Variants in MAP3K3 observed in about 807,000 individuals in gnomAD.
MAP3K3 encodes the protein MAP/ERK kinase kinase 3.
Under a neutral mutation model 80.9 loss-of-function variants are expected in MAP3K3, and 12 were observed. The observed-to-expected ratio is 0.15, with a 90% CI of 0.10 to 0.24. The LOEUF is 0.24. Ranked by LOEUF, MAP3K3 falls within the 10% of genes least tolerant of loss-of-function variation. MAP3K3 has a pLI of 1.00. For missense variants in MAP3K3, 596 were observed against 834.7 expected, an observed-to-expected ratio of 0.71 and a Z score of 3.52; for synonymous variants, 272 against 307.1, an observed-to-expected ratio of 0.89 and a Z score of 1.19.
intron 2 of MAP3K3, among the ~76,000 whole-genome samples, chr17:63,633,136 G>T (rs2034251735): frequency 6.6e-6 from 1 of 151,946 alleles, no homozygotes; most frequent in Non-Finnish European, 1.5e-5. Context: ...GCTGAGACAG[G>T]AGAATCGCTT....
intron 1 of MAP3K3, among the ~76,000 whole-genome samples, chr17:63,626,125 A>G (rs957789613): frequency 2.0e-5 from 3 of 152,184 alleles, no homozygotes; most frequent in African/African-American, 7.2e-5. Flanking sequence ...ATCTGTAAAA[A>G]GTAAGTATCT....
At chr17:63,677,507 T>C (rs2035243165) in intron 6 of MAP3K3, among the ~76,000 whole-genome samples, 1 of 152,232 alleles carries the variant, frequency 6.6e-6, no homozygotes, top group South Asian at 2.1e-4. Context: ...AATTTTGTGT[T>C]ACAGTAGCAA....
chr17:63,657,689 C>T (rs1598088544), intron 4 of MAP3K3, 105 bp from the exon 5 acceptor site: 8 of 533,064 alleles, frequency 1.5e-5, no homozygotes, highest in African/African-American at 3.8e-5. Context: ...GATTGTTTTC[C>T]TCCAAATGTA....
chr17:63,672,999 C>T (rs1339816055), intron 6 of MAP3K3: 1 of 152,224 alleles, frequency 6.6e-6, no homozygotes, highest in Non-Finnish European at 1.5e-5. Flanking sequence ...GCAATTCAGC[C>T]TTCCACTGGG....
At chr17:63,650,105 G>A (rs903980890) in intron 3 of MAP3K3, among the ~76,000 whole-genome samples, 1 of 152,120 alleles carries the variant, frequency 6.6e-6, no homozygotes, top group African/African-American at 2.4e-5. Flanking sequence ...AGAGATGAAG[G>A]TTGTTTTAAT....
At chr17:63,623,897 G>T (rs928113353) in intron 1 of MAP3K3, among the ~76,000 whole-genome samples, 1 of 152,242 alleles carries the variant, frequency 6.6e-6, no homozygotes, top group Non-Finnish European at 1.5e-5. Flanking sequence ...CTATAGCAAG[G>T]TCAAGTCCTT....
At chr17:63,627,591 G>A (rs1050210714) in intron 1 of MAP3K3, among the ~76,000 whole-genome samples, 2 of 151,028 alleles carry the variant, frequency 1.3e-5, no homozygotes, top group Admixed American at 6.6e-5. Flanking sequence ...TACAGGCACC[G>A]GCCACCATGC....
chr17:63,641,953 G>A (rs1204266649), intron 2 of MAP3K3, among the ~76,000 whole-genome samples: 1 of 152,160 alleles, frequency 6.6e-6, no homozygotes, highest in Non-Finnish European at 1.5e-5. Flanking sequence ...AAATAGAGTT[G>A]GCCACCCACC....
Position 63,664,246 on chromosome 17 carries a change from C to CAAAA in MAP3K3, c.382-2673_382-2670dup, listed in dbSNP as rs60599826. On this transcript the variant is annotated intron_variant, in intron 5 of 15. Transcript: ENST00000361733. Reference sequence around the variant, plus strand: ...TGGGCGACAGAGCGAGACTCCGTCTCAAAAAAAAAAAAAAAAAAAAAAAAG... The same window carrying CAAAA: ...TGGGCGACAGAGCGAGACTCCGTCTCAAAAAAAAAAAAAAAAAAAAAAAAAAAAG... 5.5e-5 allele frequency among the ~76,000 whole-genome samples: 4 copies of CAAAA among 72,510 alleles called. No individual in the cohort carries two copies. The East Asian group carries it at 1.8e-3, about 33-fold the overall frequency. The allele number at this position is 72,510 out of a possible 152,430, so 47.6% of individuals were successfully genotyped here.
At chr17:63,676,632 C>A (rs2035225221) in intron 6 of MAP3K3, among the ~76,000 whole-genome samples, 1 of 152,178 alleles carries the variant, frequency 6.6e-6, no homozygotes, top group Non-Finnish European at 1.5e-5. Flanking sequence ...AGAAGAGGTT[C>A]CATAAACCAG....
intron 2 of MAP3K3, among the ~76,000 whole-genome samples, chr17:63,645,456 A>G (rs2034523538): frequency 6.6e-6 from 1 of 152,242 alleles, no homozygotes; most frequent in Non-Finnish European, 1.5e-5. Flanking sequence ...GAAATCAATG[A>G]TAGTGGTACC....
chr17:63,685,486 G>C (rs1406656016), intron 7 of MAP3K3, 31 bp from the exon 8 acceptor site: 4 of 1,579,414 alleles, frequency 2.5e-6, no homozygotes, highest in East Asian at 2.2e-5. Context: ...GGGGCTGGGG[G>C]TGTGGCTTCA....
chr17:63,659,915 A>G (rs1470501430), intron 5 of MAP3K3, among the ~76,000 whole-genome samples: 1 of 152,196 alleles, frequency 6.6e-6, no homozygotes, highest in Non-Finnish European at 1.5e-5. Flanking sequence ...TACAGTTTTC[A>G]TTAGTAGATT....
chr17:63,650,897 A>G (rs997367285), intron 3 of MAP3K3, among the ~76,000 whole-genome samples: 6 of 151,770 alleles, frequency 4.0e-5, no homozygotes, highest in Admixed American at 2.0e-4. Flanking sequence ...AGGGCTCACT[A>G]TCTTGCCCAG....
intron 6 of MAP3K3, among the ~76,000 whole-genome samples, chr17:63,671,665 C>T (rs1447951628): frequency 6.6e-6 from 1 of 152,122 alleles, no homozygotes; most frequent in Non-Finnish European, 1.5e-5. Context: ...ACCGTAATGG[C>T]TTAATGGCAT....
intron 9 of MAP3K3, 35 bp downstream of exon 9, chr17:63,688,629 G>T: frequency 6.3e-7 from 1 of 1,592,684 alleles, no homozygotes; most frequent in Non-Finnish European, 8.6e-7. Flanking sequence ...GTAATGCAGG[G>T]TGTCTGGGTG....
chr17:63,680,232 T>C (rs2143547546), intron 6 of MAP3K3, among the ~76,000 whole-genome samples: 1 of 152,292 alleles, frequency 6.6e-6, no homozygotes, highest in South Asian at 2.1e-4. Context: ...GGGATGGTAC[T>C]ACTCTATTCC....
At chr17:63,664,246 CAAAAAAAAAAA>C (rs60599826) in intron 5 of MAP3K3, among the ~76,000 whole-genome samples, 2 of 72,532 alleles carry the variant, frequency 2.8e-5, no homozygotes, top group East Asian at 6.0e-4. Context: ...GACTCCGTCT[CAAAAAAAAAAA>C]AAAAAAAAAA....
At chr17:63,687,098 G>T (rs992384050) in intron 8 of MAP3K3, among the ~76,000 whole-genome samples, 2 of 152,060 alleles carry the variant, frequency 1.3e-5, no homozygotes, top group Non-Finnish European at 2.9e-5. Flanking sequence ...AGGCACCGTG[G>T]CTCACGCCTG....
Sources: allele counts gnomAD v4.1 joint callset (sites outside exome capture counted in the v4.1 genomes callset), GRCh38; gene constraint gnomAD v4.1.1; transcripts MANE v1.5; gene names NCBI Gene and HGNC (gene_info 2026-07-23, HGNC 2026-07-21).